CYP2J2: variants seen among roughly 807,000 people sequenced by gnomAD.
The protein encoded by CYP2J2 is cytochrome P450 2J2.
Under a neutral mutation model 48.8 loss-of-function variants are expected in CYP2J2, and 41 were observed. The observed-to-expected ratio is 0.84, with a 90% CI of 0.66 to 1.09. CYP2J2 has a LOEUF of 1.09. Among genes scored for constraint, CYP2J2 ranks in the 50% least tolerant of loss-of-function variants. The probability of loss-of-function intolerance (pLI) is 0.00; values close to 1 mark genes in which losing one functional copy is unlikely to be tolerated. For missense variants in CYP2J2, 644 were observed against 617.3 expected, an observed-to-expected ratio of 1.04 and a Z score of -0.46; for synonymous variants, 221 against 227.1, an observed-to-expected ratio of 0.97 and a Z score of 0.24.
At chr1:59,954,869 G>T in the CYP2J2 span, among the ~76,000 whole-genome samples, 1 of 152,052 alleles carries the variant, frequency 6.6e-6, no homozygotes, top group African/African-American at 2.4e-5. Flanking sequence ...AGGCATGGTG[G>T]CACATGCCTA....
At chr1:59,965,958 T>A in the CYP2J2 span, among the ~76,000 whole-genome samples, 2 of 152,230 alleles carry the variant, frequency 1.3e-5, no homozygotes, top group East Asian at 3.9e-4. Context: ...AGCCTGGGTG[T>A]ACCCAAATTC....
chr1:59,924,442 C>T (rs969826636), intron 1 of CYP2J2, among the ~76,000 whole-genome samples: 1 of 152,006 alleles, frequency 6.6e-6, no homozygotes, highest in Admixed American at 6.5e-5. Context: ...ATTTAACATT[C>T]AAAAGCAAAA....
upstream of CYP2J2, among the ~76,000 whole-genome samples, chr1:59,930,067 G>A (rs188945490): frequency 1.6e-4 from 24 of 152,230 alleles, no homozygotes; most frequent in African/African-American, 2.4e-4. Flanking sequence ...ATTAACGGCC[G>A]ACTTGTAATT....
chr1:59,955,253 C>CATATATATATCCATATATATATATCCAT, the CYP2J2 span, among the ~76,000 whole-genome samples: 6,117 of 107,750 alleles, frequency 0.057, 338 homozygotes, highest in Non-Finnish European at 0.074. Context: ...TATATATATC[C>CATATATATATCCATATATATATATCCAT]ATATATATAT....
the CYP2J2 span, among the ~76,000 whole-genome samples, chr1:59,958,919 G>T: frequency 6.6e-5 from 10 of 151,956 alleles, no homozygotes; most frequent in Non-Finnish European, 1.5e-4. Context: ...TTCCTTGATT[G>T]CCTCAATACT....
the CYP2J2 span, among the ~76,000 whole-genome samples, chr1:59,965,979 G>GA: frequency 6.6e-6 from 1 of 152,198 alleles, no homozygotes; most frequent in Non-Finnish European, 1.5e-5. Context: ...TGACGATCAT[G>GA]AAGCTTTGTG....
the CYP2J2 span, among the ~76,000 whole-genome samples, chr1:59,954,225 G>A: frequency 6.6e-6 from 1 of 152,168 alleles, no homozygotes; most frequent in Non-Finnish European, 1.5e-5. Context: ...TGAGAAAAAG[G>A]AAGACTATGT....
At chr1:59,924,285 T>G (rs547323239) in intron 1 of CYP2J2, among the ~76,000 whole-genome samples, 132 of 152,270 alleles carry the variant, frequency 8.7e-4, no homozygotes, top group African/African-American at 3.1e-3. Flanking sequence ...CCAGTACACC[T>G]GCACTAAAAG....
At chr1:59,964,721 A>C in the CYP2J2 span, among the ~76,000 whole-genome samples, 1 of 152,248 alleles carries the variant, frequency 6.6e-6, no homozygotes, top group Non-Finnish European at 1.5e-5. Flanking sequence ...TAATTTAGTA[A>C]AATTTCAGTT....
chr1:59,923,529 G>A (rs1286978008), intron 1 of CYP2J2, among the ~76,000 whole-genome samples: 1 of 152,136 alleles, frequency 6.6e-6, no homozygotes, highest in Non-Finnish European at 1.5e-5. Flanking sequence ...AAAAGCAGCT[G>A]TTATAAAGCT....
rs1294057951 is a variant in CYP2J2, at chr1:59,900,969, T to C, written c.1326A>G (p.Ser442=). ...CACCTGTTTACTACAACTTACCTAT[T>C]GAGAAAGGCATAAAGGCTTCCCTTT... The part of the protein sequence containing the change: ...FKKREAFMPF[S]IGKRACLGEQ... Residue 442 remains serine, a synonymous_variant, in exon 8 of 9, where the codon TCA becomes TCG. Coordinates refer to ENST00000371204, the MANE Select transcript of CYP2J2 (RefSeq NM_000775.4). The C allele has an allele frequency of 6.2e-7, 1 of 1,613,802 alleles. No individual in the cohort carries two copies. Among genetic ancestry groups the C allele is most frequent in the Admixed American group, 1.7e-5 (1 of 60,022 alleles).
At chr1:59,905,147 G>C in intron 6 of CYP2J2, 89 bp from the exon 7 acceptor site, 2 of 1,320,040 alleles carry the variant, frequency 1.5e-6, no homozygotes, top group Non-Finnish European at 2.1e-6. Flanking sequence ...GTCATCTGTT[G>C]TATTTCAATT....
At chr1:59,961,650 A>C in the CYP2J2 span, among the ~76,000 whole-genome samples, 1,008 of 152,308 alleles carry the variant, frequency 6.6e-3, 4 homozygotes, top group East Asian at 0.023. Flanking sequence ...ACACATGTCC[A>C]CATAAAAATT....
chr1:59,908,310 T>G (rs1426813818), intron 5 of CYP2J2, among the ~76,000 whole-genome samples: 1 of 152,238 alleles, frequency 6.6e-6, no homozygotes, highest in Non-Finnish European at 1.5e-5. Flanking sequence ...TTCAGTTTCC[T>G]GTTTTATATA....
intron 6 of CYP2J2, among the ~76,000 whole-genome samples, chr1:59,906,155 C>T (rs1030802960): frequency 3.3e-5 from 5 of 152,198 alleles, no homozygotes. Context: ...CACTGCACTC[C>T]AGCCTGGGTG....
At chr1:59,899,479 T>A (rs1398788710) in intron 8 of CYP2J2, among the ~76,000 whole-genome samples, 1 of 152,194 alleles carries the variant, frequency 6.6e-6, no homozygotes, top group Non-Finnish European at 1.5e-5. Flanking sequence ...GTTTCTGCCC[T>A]TTCTGAGCCT....
In CYP2J2 at chr1:59,911,764, C is replaced by A; in HGVS notation, c.528G>T (p.Gln176His). 6.2e-7 allele frequency: 1 copy of A among 1,612,328 alleles called. No homozygotes were observed. Among genetic ancestry groups the A allele is most frequent in the Non-Finnish European group, 8.5e-7 (1 of 1,179,186 alleles). The change falls in exon 4 of 9, where the codon CAG (glutamine) becomes CAT (histidine). Residue 176 changes from glutamine to histidine, a missense_variant. Coordinates refer to ENST00000371204, the MANE Select transcript of CYP2J2 (RefSeq NM_000775.4). Reference sequence around the variant, plus strand: ...TGATCTTGAAATGAGGGTCAAAAGGCTGTCCTGAAGGTGGAGGAAGGGCAA... The same window carrying A: ...TGATCTTGAAATGAGGGTCAAAAGGATGTCCTGAAGGTGGAGGAAGGGCAA... ...LTEAIKEENGQPFDPHFKINN... is the reference protein window; with the variant it reads ...LTEAIKEENGHPFDPHFKINN...
intron 1 of CYP2J2, among the ~76,000 whole-genome samples, chr1:59,918,734 C>T (rs563784712): frequency 6.8e-6 from 1 of 147,748 alleles, no homozygotes; most frequent in Admixed American, 6.7e-5. Context: ...TTTTGAAAGG[C>T]AAAAACAGTC....
the CYP2J2 span, among the ~76,000 whole-genome samples, chr1:59,968,950 G>A: frequency 6.6e-6 from 1 of 152,162 alleles, no homozygotes; most frequent in African/African-American, 2.4e-5. Flanking sequence ...TCCTTCTGGT[G>A]GGTTATGTGG....
Sources: allele counts gnomAD v4.1 joint callset (sites outside exome capture counted in the v4.1 genomes callset), GRCh38; gene constraint gnomAD v4.1.1; transcripts MANE v1.5; gene names NCBI Gene and HGNC (gene_info 2026-07-23, HGNC 2026-07-21).